SDHAF3: variants seen among roughly 807,000 people sequenced by gnomAD.
SDHAF3 encodes succinate dehydrogenase complex assembly factor 3.
In SDHAF3, 18 loss-of-function variants were observed where a neutral mutation model predicts 11.5. The ratio of observed to expected loss-of-function variants is 1.56; its 90% CI spans 1.08 to 2.32. SDHAF3 has a LOEUF of 2.32. Ranked by LOEUF, SDHAF3 falls within the 30% of genes most tolerant of loss-of-function variation. SDHAF3 has a pLI of 0.00. For missense variants in SDHAF3, 200 were observed against 154.4 expected, an observed-to-expected ratio of 1.30 and a Z score of -1.57; for synonymous variants, 72 against 59.3, an observed-to-expected ratio of 1.21 and a Z score of -0.99.
At chr7:97,169,851 T>TAATA (rs1189693295) in intron 1 of SDHAF3, among the ~76,000 whole-genome samples, 10 of 152,172 alleles carry the variant, frequency 6.6e-5, no homozygotes, top group Non-Finnish European at 1.3e-4. Flanking sequence ...TTTTGATGAC[T>TAATA]AATATTGATA....
At chr7:97,180,924 T>C in intron 1 of SDHAF3, 88 bp from the exon 2 acceptor site, 1 of 1,148,538 alleles carries the variant, frequency 8.7e-7, no homozygotes, top group East Asian at 2.6e-5. Context: ...TGAGGAAAAA[T>C]AGGTGACTCA....
At chr7:97,152,465 G>A (rs935794814) in intron 1 of SDHAF3, among the ~76,000 whole-genome samples, 3 of 152,170 alleles carry the variant, frequency 2.0e-5, no homozygotes, top group African/African-American at 7.2e-5. Context: ...CACAAGACCA[G>A]ATATCCCAGT....
At chr7:97,158,577 G>C (rs1197504968) in intron 1 of SDHAF3, among the ~76,000 whole-genome samples, 2 of 152,192 alleles carry the variant, frequency 1.3e-5, no homozygotes, top group Non-Finnish European at 2.9e-5. Flanking sequence ...ACCCGCCTCA[G>C]CCTCTCAAAG....
At chr7:97,146,709 C>T (rs1789139572) in intron 1 of SDHAF3, among the ~76,000 whole-genome samples, 2 of 151,586 alleles carry the variant, frequency 1.3e-5, no homozygotes, top group Non-Finnish European at 2.9e-5. Context: ...CAAATTTTGC[C>T]CAATGGAGGA....
At chr7:97,174,594 C>T (rs1789652407) in intron 1 of SDHAF3, among the ~76,000 whole-genome samples, 1 of 152,114 alleles carries the variant, frequency 6.6e-6, no homozygotes, top group African/African-American at 2.4e-5. Flanking sequence ...TTTTCCTTGT[C>T]ATTGATGGCC....
intron 1 of SDHAF3, among the ~76,000 whole-genome samples, chr7:97,153,000 A>G (rs1451580602): frequency 2.0e-5 from 3 of 152,178 alleles, no homozygotes; most frequent in Non-Finnish European, 4.4e-5. Context: ...CAAATTTGTT[A>G]GTTTTACAAA....
In SDHAF3 at chr7:97,121,014, A is replaced by G. The variant is rs981864550; in HGVS notation, c.174+3117A>G. Among the ~76,000 whole-genome samples, 6 of 152,232 alleles carry G rather than the reference A, an allele frequency of 3.9e-5. No homozygotes were observed. In the East Asian group the frequency reaches 1.2e-3, roughly 29 times the overall value. On this transcript the variant is annotated intron_variant, in intron 1 of 1. Coordinates refer to ENST00000432641, the MANE Select transcript of SDHAF3 (RefSeq NM_020186.3). ...AGCATGTTTACAGAGTAAATAGTGAATTTATGTAATTTCTCACCATAAGAG... is the reference window on the plus strand; with the variant it reads ...AGCATGTTTACAGAGTAAATAGTGAGTTTATGTAATTTCTCACCATAAGAG...
intron 1 of SDHAF3, among the ~76,000 whole-genome samples, chr7:97,140,282 A>C (rs1407704520): frequency 6.6e-6 from 1 of 151,810 alleles, no homozygotes; most frequent in Non-Finnish European, 1.5e-5. Flanking sequence ...TAATTCTTCA[A>C]ATGGTAAGAA....
chr7:97,168,589 C>G (rs149726646), intron 1 of SDHAF3, among the ~76,000 whole-genome samples: 1 of 152,088 alleles, frequency 6.6e-6, no homozygotes, highest in Non-Finnish European at 1.5e-5. Context: ...TCAATCCCTT[C>G]CTTTGGGTTT....
intron 1 of SDHAF3, among the ~76,000 whole-genome samples, chr7:97,134,262 T>G (rs1433857464): frequency 6.6e-6 from 1 of 152,216 alleles, no homozygotes; most frequent in Admixed American, 6.5e-5. Flanking sequence ...AACATGTTTA[T>G]TGCCTCACAC....
intron 1 of SDHAF3, among the ~76,000 whole-genome samples, chr7:97,172,320 G>T (rs776589838): frequency 6.6e-6 from 1 of 152,054 alleles, no homozygotes; most frequent in Admixed American, 6.6e-5. Flanking sequence ...GTGACCAATC[G>T]TTATACCTCT....
intron 1 of SDHAF3, among the ~76,000 whole-genome samples, chr7:97,121,812 C>T (rs889355002): frequency 6.7e-6 from 1 of 148,926 alleles, no homozygotes; most frequent in Non-Finnish European, 1.5e-5. Flanking sequence ...GCAGAGGCAT[C>T]GAGGTAAGAA....
At chr7:97,154,955 C>T (rs182583641) in intron 1 of SDHAF3, among the ~76,000 whole-genome samples, 5 of 152,166 alleles carry the variant, frequency 3.3e-5, no homozygotes, top group Non-Finnish European at 5.9e-5. Flanking sequence ...GCATATTTGT[C>T]AGTCTAGTGT....
At chr7:97,168,279 C>T (rs1341362614) in intron 1 of SDHAF3, among the ~76,000 whole-genome samples, 5 of 152,274 alleles carry the variant, frequency 3.3e-5, no homozygotes, top group Admixed American at 1.3e-4. Context: ...GTGATATTAT[C>T]CCCAGGAGCA....
intron 1 of SDHAF3, among the ~76,000 whole-genome samples, chr7:97,156,714 G>A (rs1485437048): frequency 1.3e-5 from 2 of 151,992 alleles, no homozygotes; most frequent in African/African-American, 2.4e-5. Context: ...TATTCTACAT[G>A]TCCTAGACTG....
At chr7:97,141,990 T>C (rs967717388) in intron 1 of SDHAF3, among the ~76,000 whole-genome samples, 3 of 150,214 alleles carry the variant, frequency 2.0e-5, no homozygotes, top group African/African-American at 7.3e-5. Context: ...CCAAATATGC[T>C]AATTACCACA....
chr7:97,173,033 A>C (rs1404063482), intron 1 of SDHAF3, among the ~76,000 whole-genome samples: 1 of 152,154 alleles, frequency 6.6e-6, no homozygotes, highest in Non-Finnish European at 1.5e-5. Flanking sequence ...CATGAGGTGC[A>C]CATAACCTAG....
intron 1 of SDHAF3, among the ~76,000 whole-genome samples, chr7:97,167,712 C>T (rs1173874330): frequency 2.0e-5 from 3 of 152,002 alleles, no homozygotes; most frequent in Non-Finnish European, 4.4e-5. Context: ...TAAAATCATA[C>T]AGAGTTGAAG....
intron 1 of SDHAF3, among the ~76,000 whole-genome samples, chr7:97,178,508 T>A (rs963020863): frequency 6.6e-6 from 1 of 152,190 alleles, no homozygotes; most frequent in Non-Finnish European, 1.5e-5. Flanking sequence ...AGGATTCTAG[T>A]TTATTCCAAC....
Sources: allele counts gnomAD v4.1 joint callset (sites outside exome capture counted in the v4.1 genomes callset), GRCh38; gene constraint gnomAD v4.1.1; transcripts MANE v1.5; gene names NCBI Gene and HGNC (gene_info 2026-07-23, HGNC 2026-07-21).